XKR4: variants seen among roughly 807,000 people sequenced by gnomAD.
XKR4 encodes the protein XK related 4.
Under a neutral mutation model 53.9 loss-of-function variants are expected in XKR4, and 12 were observed. That is an observed-to-expected ratio of 0.22 (90% CI 0.14 to 0.36). The LOEUF (loss-of-function observed/expected upper bound fraction) is 0.36, where lower values mean the gene tolerates loss of function less well. Ranked by LOEUF, XKR4 falls within the 10% of genes least tolerant of loss-of-function variation. The pLI is 1.00. For synonymous variants in XKR4, 354 were observed against 362.4 expected, an observed-to-expected ratio of 0.98 and a Z score of 0.26; for missense variants, 799 against 859.5, an observed-to-expected ratio of 0.93 and a Z score of 0.88.
rs185410037 is a variant in XKR4 at position 55,504,827 on chromosome 8, C to A, written c.1007-18454C>A. 3.9e-3 allele frequency among the ~76,000 whole-genome samples: 593 copies of A among 152,184 alleles called. 5 individuals are homozygous for A. Among genetic ancestry groups the A allele is most frequent in the Non-Finnish European group, 7.0e-3 (477 of 68,004 alleles). On this transcript the variant is annotated intron_variant, in intron 2 of 2. Coordinates refer to ENST00000327381, the MANE Select transcript of XKR4 (RefSeq NM_052898.2). ...GAATTTGTCCACTTCTTTTAGATTACCCAATTCTAATTGGCATACAACTCT... is the reference window on the plus strand; with the variant it reads ...GAATTTGTCCACTTCTTTTAGATTAACCAATTCTAATTGGCATACAACTCT...
At chr8:55,139,208 G>A (rs1292691347) in intron 1 of XKR4, among the ~76,000 whole-genome samples, 1 of 152,180 alleles carries the variant, frequency 6.6e-6, no homozygotes, top group Non-Finnish European at 1.5e-5. Context: ...CCCACGTGCT[G>A]ATGAGAAGGG....
chr8:55,450,269 C>T (rs1585579394), intron 2 of XKR4: 2 of 690,638 alleles, frequency 2.9e-6, no homozygotes, highest in East Asian at 5.9e-5. Context: ...CAGGGGGTTC[C>T]CCGAGCCAGT....
chr8:55,117,261 C>T (rs963031688), intron 1 of XKR4, among the ~76,000 whole-genome samples: 1 of 151,998 alleles, frequency 6.6e-6, no homozygotes, highest in African/African-American at 2.4e-5. Flanking sequence ...TTTCAAAATA[C>T]TAGATAAGAA....
chr8:55,444,768 A>G (rs933339212), intron 2 of XKR4, among the ~76,000 whole-genome samples: 3 of 152,218 alleles, frequency 2.0e-5, no homozygotes, highest in African/African-American at 7.2e-5. Context: ...ACTTTAGAAA[A>G]TAATTTGGCA....
chr8:55,205,175 G>A (rs1023847019), intron 1 of XKR4, among the ~76,000 whole-genome samples: 2 of 152,112 alleles, frequency 1.3e-5, no homozygotes, highest in African/African-American at 2.4e-5. Flanking sequence ...TCCTTATTTT[G>A]AGTAAAGGAG....
chr8:55,354,957 G>T (rs117636904), intron 1 of XKR4, among the ~76,000 whole-genome samples: 5 of 150,354 alleles, frequency 3.3e-5, no homozygotes, highest in Non-Finnish European at 7.4e-5. Flanking sequence ...AGGATGGAGC[G>T]CAATGACATG....
At chr8:55,512,404 T>G (rs556763221) in intron 2 of XKR4, among the ~76,000 whole-genome samples, 37 of 152,256 alleles carry the variant, frequency 2.4e-4, no homozygotes, top group African/African-American at 8.7e-4. Context: ...CCAGCCCTCC[T>G]CAGCCCTGCC....
chr8:55,348,281 G>T (rs1202236433), intron 1 of XKR4, among the ~76,000 whole-genome samples: 1 of 152,174 alleles, frequency 6.6e-6, no homozygotes, highest in African/African-American at 2.4e-5. Flanking sequence ...AAGAGCCACT[G>T]TTCATGGCAG....
At chr8:55,324,794 A>T (rs567602643) in intron 1 of XKR4, among the ~76,000 whole-genome samples, 2 of 152,240 alleles carry the variant, frequency 1.3e-5, no homozygotes. Flanking sequence ...ATTAAGAGTC[A>T]GCACCAGGTT....
At chr8:55,337,631 CGAT>C (rs747266233) in intron 1 of XKR4, among the ~76,000 whole-genome samples, 27 of 151,970 alleles carry the variant, frequency 1.8e-4, no homozygotes, top group Non-Finnish European at 3.1e-4. Context: ...CAAAGGGAAA[CGAT>C]GAAAGAATTG....
At chr8:55,248,488 C>T (rs1818319937) in intron 1 of XKR4, among the ~76,000 whole-genome samples, 1 of 152,206 alleles carries the variant, frequency 6.6e-6, no homozygotes, top group Admixed American at 6.5e-5. Context: ...CCATGTTTCT[C>T]AGTCAGTGAT....
At chr8:55,442,733 C>T (rs1402683073) in intron 2 of XKR4, among the ~76,000 whole-genome samples, 6 of 152,096 alleles carry the variant, frequency 3.9e-5, no homozygotes, top group South Asian at 2.1e-4. Context: ...AAATATCAAA[C>T]GTTATATGAT....
At chr8:55,451,260 C>T (rs1413033997) in intron 2 of XKR4, 1 of 585,696 alleles carries the variant, frequency 1.7e-6, no homozygotes, top group African/African-American at 1.9e-5. Context: ...CCCACAGGTC[C>T]AGACACTGCC....
intron 1 of XKR4, among the ~76,000 whole-genome samples, chr8:55,293,615 A>G (rs1427637736): frequency 1.3e-5 from 2 of 152,186 alleles, no homozygotes; most frequent in African/African-American, 2.4e-5. Context: ...TAGTAAAATC[A>G]TGATGTAATT....
chr8:55,146,166 G>A (rs531682281), intron 1 of XKR4, among the ~76,000 whole-genome samples: 14 of 152,142 alleles, frequency 9.2e-5, no homozygotes, highest in Non-Finnish European at 1.8e-4. Context: ...TGTTCTAAGA[G>A]GTCTGAAAGA....
intron 2 of XKR4, among the ~76,000 whole-genome samples, chr8:55,477,061 G>T (rs934866470): frequency 6.6e-6 from 1 of 151,906 alleles, no homozygotes; most frequent in Non-Finnish European, 1.5e-5. Context: ...CTCCCAGCAC[G>T]CAGCTTGAGA....
intron 2 of XKR4, among the ~76,000 whole-genome samples, chr8:55,448,153 C>G (rs150546851): frequency 6.6e-6 from 1 of 152,178 alleles, no homozygotes; most frequent in Non-Finnish European, 1.5e-5. Context: ...TGCCAGGAAT[C>G]GATTTCCTCT....
intron 2 of XKR4, among the ~76,000 whole-genome samples, chr8:55,512,497 G>T (rs1035746479): frequency 1.4e-4 from 21 of 152,122 alleles, no homozygotes; most frequent in African/African-American, 5.1e-4. Flanking sequence ...TTCCCCTCCT[G>T]GACCAAGCCT....
intron 1 of XKR4, among the ~76,000 whole-genome samples, chr8:55,138,415 A>G (rs1344211603): frequency 6.6e-6 from 1 of 152,238 alleles, no homozygotes; most frequent in African/African-American, 2.4e-5. Context: ...AAATGCGAGA[A>G]GTTTTTAAAG....
Sources: allele counts gnomAD v4.1 joint callset (sites outside exome capture counted in the v4.1 genomes callset), GRCh38; gene constraint gnomAD v4.1.1; transcripts MANE v1.5; gene names NCBI Gene and HGNC (gene_info 2026-07-23, HGNC 2026-07-21).